SCIMP: variants seen among roughly 807,000 people sequenced by gnomAD.
The protein encoded by SCIMP is SLP adaptor and CSK interacting membrane protein, also known as SLP adapter and CSK-interacting membrane protein.
In SCIMP, 18 loss-of-function variants were observed where a neutral mutation model predicts 22.0. That is an observed-to-expected ratio of 0.82 (90% CI 0.56 to 1.21). SCIMP has a LOEUF of 1.21. Ranked by LOEUF, SCIMP falls within the 50% of genes most tolerant of loss-of-function variation. The pLI is 0.00. For missense variants in SCIMP, 155 were observed against 171.2 expected, an observed-to-expected ratio of 0.91 and a Z score of 0.53; for synonymous variants, 53 against 62.2, an observed-to-expected ratio of 0.85 and a Z score of 0.70.
At chr17:5,219,691 A>T (rs12942064) in intron 3 of SCIMP, among the ~76,000 whole-genome samples, 3 of 152,134 alleles carry the variant, frequency 2.0e-5, no homozygotes, top group African/African-American at 7.2e-5. Context: ...CAGATAGTTT[A>T]TGTTAATAAT....
At chr17:5,231,243 C>T (rs77574971) in intron 1 of SCIMP, among the ~76,000 whole-genome samples, 1 of 151,870 alleles carries the variant, frequency 6.6e-6, no homozygotes, top group Non-Finnish European at 1.5e-5. Flanking sequence ...GCCTGTAATC[C>T]CAGCCACTCG....
intron 1 of SCIMP, among the ~76,000 whole-genome samples, chr17:5,229,611 G>A (rs2074678152): frequency 6.6e-6 from 1 of 151,902 alleles, no homozygotes; most frequent in South Asian, 2.1e-4. Context: ...GGTCAGGCTG[G>A]TCTTGAACTC....
At chr17:5,232,564 G>T (rs766459197) in intron 1 of SCIMP, among the ~76,000 whole-genome samples, 3 of 152,092 alleles carry the variant, frequency 2.0e-5, no homozygotes, top group Admixed American at 2.0e-4. Flanking sequence ...ATGAGGGTTC[G>T]AACTAATCTC....
At chr17:5,216,280 A>G (rs549362200) in intron 3 of SCIMP, among the ~76,000 whole-genome samples, 16 of 152,342 alleles carry the variant, frequency 1.1e-4, no homozygotes, top group Middle Eastern at 6.8e-3. Context: ...ACAATCTACA[A>G]CTACACACAA....
chr17:5,227,538 C>G (rs1355323079), intron 1 of SCIMP, among the ~76,000 whole-genome samples: 1 of 152,062 alleles, frequency 6.6e-6, no homozygotes, highest in Non-Finnish European at 1.5e-5. Flanking sequence ...CAAAAGGGAA[C>G]AAGGATTAGA....
intron 2 of SCIMP, 109 bp from the exon 3 acceptor site, chr17:5,221,459 C>T (rs763271974): frequency 5.3e-5 from 44 of 826,076 alleles, no homozygotes; most frequent in Non-Finnish European, 8.8e-5. Flanking sequence ...ATGATAGAGC[C>T]GGACTTAGAA....
In SCIMP at chr17:5,222,137, T is replaced by G. The variant is rs536165260; in HGVS notation, c.146-787A>C. Among the ~76,000 whole-genome samples, 33 of 150,604 alleles carry G rather than the reference T, an allele frequency of 2.2e-4. No homozygotes were observed. The South Asian group carries it at 6.3e-3, about 29-fold the overall frequency. The stretch of plus-strand genomic sequence containing the variant: ...TGGAGTCTCACACTGTCGCCCAGAC[T>G]GGAGGGCAGTGATGCGATCTCGGCT... On this transcript the variant is annotated intron_variant, in intron 2 of 4. Coordinates refer to ENST00000574081, the MANE Select transcript of SCIMP (RefSeq NM_207103.3).
rs1399811561 is a variant in SCIMP at position 5,234,857 on chromosome 17, C to G, written c.-102G>C. On this transcript the variant is annotated 5_prime_UTR_variant, in exon 1 of 5. Coordinates refer to ENST00000574081, the MANE Select transcript of SCIMP (RefSeq NM_207103.3). ...ACAGGCCTTCACCCACTGCTAGAGA[C>G]AGTGAGCCCCATCCTGACCACTTCC... 21 of 1,548,026 alleles carry G rather than the reference C, an allele frequency of 1.4e-5. No homozygotes were observed. The Middle Eastern group carries it at 6.1e-4, about 45-fold the overall frequency.
chr17:5,234,672 CGCT>C, intron 1 of SCIMP, 60 bp downstream of exon 1: 3 of 1,567,082 alleles, frequency 1.9e-6, no homozygotes, highest in Non-Finnish European at 2.6e-6. Context: ...CTGATGCCAG[CGCT>C]GGCAGATGTC....
intron 4 of SCIMP, chr17:5,213,946 A>G (rs1776613655): frequency 6.6e-6 from 1 of 152,210 alleles, no homozygotes; most frequent in Non-Finnish European, 1.5e-5. Context: ...CTTAACCCCC[A>G]GTGAGGCTAT....
chr17:5,215,000 TAGAGAGAGAGAA>T lies in SCIMP; in HGVS notation c.210-14_210-3del, dbSNP rs772844108. 1.3e-6 allele frequency: 2 copies of T among 1,599,906 alleles called. No individual in the cohort carries two copies. Among genetic ancestry groups the T allele is most frequent in the Non-Finnish European group, 1.7e-6 (2 of 1,167,320 alleles). ...ACTGGCGACTCATTAAGAACATTCCTAGAGAGAGAGAAAGAGAGAGAATCAGTGTTTGGTTTG... is the reference window on the plus strand; with the variant it reads ...ACTGGCGACTCATTAAGAACATTCCTAGAGAGAGAATCAGTGTTTGGTTTG... On this transcript the variant is annotated splice_region_variant and splice_polypyrimidine_tract_variant and intron_variant, in intron 3 of 4. Transcript: ENST00000574081.
chr17:5,223,206 G>A, intron 2 of SCIMP, 127 bp downstream of exon 2: 1 of 963,996 alleles, frequency 1.0e-6, no homozygotes. Flanking sequence ...AACCCAGAAT[G>A]CAAGATGCTT....
intron 3 of SCIMP, among the ~76,000 whole-genome samples, chr17:5,220,362 C>T (rs1364775985): frequency 1.4e-5 from 2 of 145,862 alleles, no homozygotes; most frequent in Non-Finnish European, 3.0e-5. Context: ...GGGGGAATTG[C>T]TTGAGCCCAG....
In SCIMP at chr17:5,210,819, A is replaced by T; in HGVS notation, c.420T>A (p.Thr140=). Reference sequence around the variant, plus strand: ...GGCTGTTTCAAAATGATGCTTTTTCAGTATTTGCAGGGATTTCAACATCGT... The same window carrying T: ...GGCTGTTTCAAAATGATGCTTTTTCTGTATTTGCAGGGATTTCAACATCGT... ...DYDDVEIPAN[T]EKASF Residue 140 remains threonine, a synonymous_variant, in exon 5 of 5, where the codon ACT becomes ACA. Coordinates refer to ENST00000574081, the MANE Select transcript of SCIMP (RefSeq NM_207103.3). 1.9e-6 allele frequency: 3 copies of T among 1,606,810 alleles called. No individual in the cohort carries two copies. Among genetic ancestry groups the T allele is most frequent in the Non-Finnish European group, 2.5e-6 (3 of 1,178,328 alleles).
At chr17:5,229,003 C>T (rs1300231237) in intron 1 of SCIMP, among the ~76,000 whole-genome samples, 2 of 152,154 alleles carry the variant, frequency 1.3e-5, no homozygotes, top group Non-Finnish European at 2.9e-5. Context: ...TCCAAAGCCT[C>T]ATCTGGACAC....
At position 5,221,277 on chromosome 17, in the gene SCIMP, C is replaced by T. The variant is rs74400579; in HGVS notation, c.209+10G>A. 2.5e-3 allele frequency: 3,993 copies of T among 1,604,570 alleles called. 62 individuals are homozygous for T. In the African/African-American group the frequency reaches 0.041, roughly 16 times the overall value. ...AACAGTAAAAAGCGGAAGGATTCCC[C>T]CCTACTTACTCATACATCTTTTCTT... On this transcript the variant is annotated intron_variant, in intron 3 of 4. Coordinates refer to ENST00000574081, the MANE Select transcript of SCIMP (RefSeq NM_207103.3).
At chr17:5,215,395 C>G (rs1157609250) in intron 3 of SCIMP, 1 of 162,956 alleles carries the variant, frequency 6.1e-6, no homozygotes, top group Non-Finnish European at 1.3e-5. Context: ...GGCGGATCAC[C>G]TGAGGTCAGG....
chr17:5,228,379 C>T (rs1237467679), intron 1 of SCIMP, among the ~76,000 whole-genome samples: 1 of 147,520 alleles, frequency 6.8e-6, no homozygotes, highest in African/African-American at 2.5e-5. Context: ...CACAGTGGCT[C>T]ACACCTGTAA....
chr17:5,215,422 G>C (rs2074558603), intron 3 of SCIMP: 1 of 156,208 alleles, frequency 6.4e-6, no homozygotes, highest in Non-Finnish European at 1.4e-5. Flanking sequence ...AGACCAGCCT[G>C]GCCAATATGG....
Sources: gnomAD v4.1 joint callset for allele counts (sites outside exome capture counted in the v4.1 genomes callset) on GRCh38, gnomAD v4.1.1 for gene constraint, MANE v1.5 for transcripts, NCBI Gene and HGNC (gene_info 2026-07-23, HGNC 2026-07-21) for gene names.